BCAT1: variants seen among roughly 807,000 people sequenced by gnomAD.
BCAT1 encodes branched-chain-amino-acid aminotransferase, cytosolic.
A neutral mutation model predicts 52.4 loss-of-function variants in BCAT1; 48 were observed. The ratio of observed to expected loss-of-function variants is 0.92; its 90% CI spans 0.73 to 1.16. The LOEUF (loss-of-function observed/expected upper bound fraction) is 1.16, where lower values mean the gene tolerates loss of function less well. Ranked by LOEUF, BCAT1 falls within the 50% of genes most tolerant of loss-of-function variation. The probability of loss-of-function intolerance (pLI) is 0.00; values close to 1 mark genes in which losing one functional copy is unlikely to be tolerated. For missense variants in BCAT1, 451 were observed against 457.1 expected, an observed-to-expected ratio of 0.99 and a Z score of 0.12; for synonymous variants, 167 against 161.3, an observed-to-expected ratio of 1.04 and a Z score of -0.27.
At chr12:24,930,143 C>G (rs1001370771) in intron 1 of BCAT1, among the ~76,000 whole-genome samples, 1 of 152,198 alleles carries the variant, frequency 6.6e-6, no homozygotes, top group South Asian at 2.1e-4. Flanking sequence ...TGGTCACTTA[C>G]GGATTCTTCA....
Position 24,815,240 on chromosome 12 carries a change from A to G in BCAT1, c.*2768T>C, listed in dbSNP as rs1194685872. The G allele has an allele frequency of 1.3e-5, 2 of 152,262 alleles. No individual in the cohort carries two copies. The highest frequency in any genetic ancestry group is 2.9e-5 in the Non-Finnish European group (2 of 68,028). The allele number at this position is 152,262 out of a possible 1,614,324, so 9.4% of individuals were successfully genotyped here. ...AAACTGAAAAAAGTGAAAGGAAGAG[A>G]ACATGCAATATAAGTTAATCATTAT... On this transcript the variant is annotated 3_prime_UTR_variant, in exon 11 of 11. Coordinates refer to ENST00000261192, the MANE Select transcript of BCAT1 (RefSeq NM_005504.7).
chr12:24,905,389 G>T (rs1251941941), intron 1 of BCAT1, among the ~76,000 whole-genome samples: 1 of 152,210 alleles, frequency 6.6e-6, no homozygotes, highest in Non-Finnish European at 1.5e-5. Context: ...TTCTTCCACA[G>T]TAGGGGAGAG....
intron 10 of BCAT1, among the ~76,000 whole-genome samples, 171 bp downstream of exon 10, chr12:24,829,652 C>G (rs1940563742): frequency 6.6e-6 from 1 of 151,968 alleles, no homozygotes; most frequent in Non-Finnish European, 1.5e-5. Flanking sequence ...TTTGCTCATG[C>G]CCACACATTG....
intron 1 of BCAT1, among the ~76,000 whole-genome samples, chr12:24,946,292 T>C (rs1943931821): frequency 6.6e-6 from 1 of 152,086 alleles, no homozygotes; most frequent in African/African-American, 2.4e-5. Flanking sequence ...AGGAACAAAA[T>C]ATATAATTAG....
chr12:24,847,612 A>C (rs927926619), intron 6 of BCAT1, among the ~76,000 whole-genome samples: 1 of 152,170 alleles, frequency 6.6e-6, no homozygotes. Flanking sequence ...AGAGAGAAAA[A>C]GAGAGAAAGA....
intron 1 of BCAT1, among the ~76,000 whole-genome samples, chr12:24,907,683 T>C (rs139874939): frequency 1.9e-3 from 294 of 152,330 alleles, no homozygotes; most frequent in African/African-American, 6.7e-3. Context: ...GAAGGTACTT[T>C]GTAATATCCT....
chr12:24,901,885 C>T lies in BCAT1; in HGVS notation c.7G>A (p.Asp3Asn). MK[D>N]CSNGCSAECT... The stretch of plus-strand genomic sequence containing the variant: ...TCTGCGGAGCATCCGTTACTGCAAT[C>T]CTTAAAGAAGAATTAAACCACCATT... Residue 3 changes from aspartate to asparagine, a missense_variant and splice_region_variant, in exon 2 of 11, where the codon GAT (aspartate) becomes AAT (asparagine). Physicochemically the swap from Asp to Asn is conservative, Grantham distance 23. Coordinates refer to ENST00000261192, the MANE Select transcript of BCAT1 (RefSeq NM_005504.7). 6.2e-7 allele frequency: 1 copy of T among 1,613,988 alleles called. No homozygotes were observed. The highest frequency in any genetic ancestry group is 8.5e-7 in the Non-Finnish European group (1 of 1,179,876).
chr12:24,942,489 A>AT (rs1943864267), intron 1 of BCAT1, among the ~76,000 whole-genome samples: 1 of 151,662 alleles, frequency 6.6e-6, no homozygotes, highest in Non-Finnish European at 1.5e-5. Context: ...GGTTGCAGTG[A>AT]GCCAAAATCA....
intron 7 of BCAT1, among the ~76,000 whole-genome samples, chr12:24,838,385 G>T (rs557483802): frequency 6.6e-6 from 1 of 152,066 alleles, no homozygotes; most frequent in African/African-American, 2.4e-5. Context: ...TTTGTTCTTG[G>T]CAATGTTCTT....
intron 2 of BCAT1, among the ~76,000 whole-genome samples, chr12:24,898,234 T>C (rs897951168): frequency 7.2e-5 from 11 of 152,252 alleles, no homozygotes; most frequent in Non-Finnish European, 1.5e-4. Context: ...CAAATGATAC[T>C]TTCTTCTGCA....
rs1002342384 is a variant in BCAT1 at position 24,815,223 on chromosome 12, A to T, written c.*2785T>A. 2 of 152,230 alleles carry T rather than the reference A, an allele frequency of 1.3e-5. No individual in the cohort carries two copies. Among genetic ancestry groups the T allele is most frequent in the Non-Finnish European group, 2.9e-5 (2 of 68,024 alleles). The allele number at this position is 152,230 out of a possible 1,614,324, so 9.4% of individuals were successfully genotyped here. ...CTCGGTCTGAAATGTAGAAACTGAA[A>T]AAAGTGAAAGGAAGAGAACATGCAA... is the stretch of plus-strand genomic sequence containing the variant. On this transcript the variant is annotated 3_prime_UTR_variant, in exon 11 of 11. Coordinates refer to ENST00000261192, the MANE Select transcript of BCAT1 (RefSeq NM_005504.7).
chr12:24,877,641 A>G (rs1478967437), intron 5 of BCAT1, among the ~76,000 whole-genome samples: 1 of 152,174 alleles, frequency 6.6e-6, no homozygotes, highest in Non-Finnish European at 1.5e-5. Flanking sequence ...ACTCCATGCC[A>G]AGTAATCCCA....
intron 1 of BCAT1, among the ~76,000 whole-genome samples, chr12:24,916,295 G>C (rs999221045): frequency 1.3e-5 from 2 of 152,186 alleles, no homozygotes; most frequent in African/African-American, 4.8e-5. Context: ...GGGCCTGTCA[G>C]AAAGTGACAT....
rs772982426 is a variant in BCAT1, at chr12:24,832,749, C to T, written c.1018G>A (p.Val340Ile). Reference protein sequence around the residue: ...GSGTACVVCPVSDILYKGETI... With the variant: ...GSGTACVVCPISDILYKGETI... ...TCGCCTTTGTACAGTATATCAGAAA[C>T]TGGGCAAACAACACAGGCTGTACCA... is the stretch of plus-strand genomic sequence containing the variant. Residue 340 changes from valine to isoleucine, a missense_variant, in exon 9 of 11, where the codon GTT becomes ATT. Physicochemically the swap from Val to Ile is conservative, Grantham distance 29. Transcript: ENST00000261192. The T allele has an allele frequency of 6.2e-7, 1 of 1,611,166 alleles. No individual in the cohort carries two copies. Among genetic ancestry groups the T allele is most frequent in the Admixed American group, 1.7e-5 (1 of 59,688 alleles).
At chr12:24,935,176 G>A (rs983001630) in intron 1 of BCAT1, among the ~76,000 whole-genome samples, 4 of 152,150 alleles carry the variant, frequency 2.6e-5, no homozygotes, top group South Asian at 2.1e-4. Flanking sequence ...ACTCACTGAC[G>A]GAGTGTTGTG....
chr12:24,894,137 C>T (rs2270772), intron 3 of BCAT1, 138 bp downstream of exon 3: 104,520 of 766,354 alleles, frequency 0.14, 7,229 homozygotes, highest in East Asian at 0.18. Context: ...TATAGGAAAA[C>T]TTTTAAAGAC....
In BCAT1 at chr12:24,877,441, C is replaced by A. The variant is rs137904541; in HGVS notation, c.510+1089G>T. On this transcript the variant is annotated intron_variant, in intron 5 of 10. Coordinates refer to ENST00000261192, the MANE Select transcript of BCAT1 (RefSeq NM_005504.7). ...TACTCGTCCGCTCAAAAGGCCTTGG[C>A]CCCTCCAGGCATGCCCAATCCATGC... is the stretch of plus-strand genomic sequence containing the variant. Among the ~76,000 whole-genome samples the A allele has an allele frequency of 4.4e-4, 67 of 152,294 alleles. 1 individual carries two copies. In the East Asian group the frequency reaches 0.013, roughly 29 times the overall value.
intron 1 of BCAT1, among the ~76,000 whole-genome samples, chr12:24,909,759 A>G (rs1943285688): frequency 6.6e-6 from 1 of 152,212 alleles, no homozygotes; most frequent in Non-Finnish European, 1.5e-5. Flanking sequence ...TTCTAAGACT[A>G]AGCATATACA....
At chr12:24,925,938 T>A (rs1417576284) in intron 1 of BCAT1, among the ~76,000 whole-genome samples, 3 of 152,310 alleles carry the variant, frequency 2.0e-5, no homozygotes, top group Admixed American at 2.0e-4. Context: ...CTCGGCTCGC[T>A]ACAACCTCCA....
Sources: gnomAD v4.1 joint callset for allele counts (sites outside exome capture counted in the v4.1 genomes callset) on GRCh38, gnomAD v4.1.1 for gene constraint, MANE v1.5 for transcripts, NCBI Gene and HGNC (gene_info 2026-07-23, HGNC 2026-07-21) for gene names.